The following ARPC1A variants were observed in gnomAD, a reference collection of about 807,000 sequenced individuals.
The protein encoded by ARPC1A is actin-related protein 2/3 complex subunit 1A.
Under a neutral mutation model 46.9 loss-of-function variants are expected in ARPC1A, and 8 were observed. That is an observed-to-expected ratio of 0.17 (90% confidence interval 0.10 to 0.31). ARPC1A has a LOEUF of 0.31. ARPC1A is among the 10% of genes least tolerant of loss of function. The pLI is 1.00. For missense variants in ARPC1A, 286 were observed against 483.6 expected (o/e 0.59, Z 3.83); for synonymous variants, 152 against 169.0 (o/e 0.90, Z 0.78).
At position 99,344,920 on chromosome 7, in the gene ARPC1A, CTTTTTTTTTTTTTTTTTT is replaced by C. The variant is rs1172071932; in HGVS notation, c.392+417_392+434del. 5.5e-4 allele frequency among the ~76,000 whole-genome samples: 11 copies of C among 20,100 alleles called. 1 individual carries two copies. In the Admixed American group the frequency reaches 5.9e-3, roughly 11 times the overall value. The allele number at this position is 20,100 out of a possible 152,430, so 13.2% of individuals were successfully genotyped here. A position where few individuals can be genotyped will look rare whatever the true frequency, so the allele number is the denominator to read the frequency against. On this transcript the variant is annotated intron_variant, in intron 4 of 9. Coordinates refer to ENST00000262942, the MANE Select transcript of ARPC1A (RefSeq NM_006409.4). ...TAGGATTCCTACAGATAACAATGTTCTTTTTTTTTTTTTTTTTTTTTTTTTTTTTGAGACAGAGTCTTA... is the reference window on the plus strand; with the variant it reads ...TAGGATTCCTACAGATAACAATGTTCTTTTTTTTTTTGAGACAGAGTCTTA...
chr7:99,354,041 C>T lies in ARPC1A; in HGVS notation c.633C>T (p.Ser211=), dbSNP rs1793591687. ...SGTGGWVHGV[S]FSASGSRLAW... ...CTGGTGGCTGGGTCCACGGGGTAAGCTTCTCTGCCAGTGGGAGCCGCCTGG... is the reference window on the plus strand; with the variant it reads ...CTGGTGGCTGGGTCCACGGGGTAAGTTTCTCTGCCAGTGGGAGCCGCCTGG... Residue 211 remains serine, a synonymous_variant, in exon 6 of 10, where the codon AGC becomes AGT. Coordinates refer to ENST00000262942, the MANE Select transcript of ARPC1A (RefSeq NM_006409.4). 4.3e-6 allele frequency: 7 copies of T among 1,614,032 alleles called. No individual in the cohort carries two copies. The highest frequency in any genetic ancestry group is 5.9e-6 in the Non-Finnish European group (7 of 1,179,942).
At chr7:99,364,653 CATTT>C (rs2150877035) in intron 9 of ARPC1A, among the ~76,000 whole-genome samples, 1 of 152,234 alleles carries the variant, frequency 6.6e-6, no homozygotes, top group South Asian at 2.1e-4. Context: ...TCTAGATGTC[CATTT>C]ATTCATTGAG....
chr7:99,347,829 CAA>C (rs755158875), intron 4 of ARPC1A, among the ~76,000 whole-genome samples: 41 of 90,472 alleles, frequency 4.5e-4, no homozygotes, highest in Admixed American at 3.6e-4. Context: ...AACTCCATCT[CAA>C]AAAAAAAAAA....
intron 7 of ARPC1A, among the ~76,000 whole-genome samples, chr7:99,359,206 C>T (rs1220389544): frequency 1.4e-5 from 2 of 145,810 alleles, no homozygotes; most frequent in Non-Finnish European, 3.0e-5. Flanking sequence ...GAGGCCAAGG[C>T]GGGTGGTTCA....
At chr7:99,351,934 T>G (rs535031127) in intron 5 of ARPC1A, among the ~76,000 whole-genome samples, 49 of 152,158 alleles carry the variant, frequency 3.2e-4, no homozygotes, top group African/African-American at 1.0e-3. Context: ...AAGAGTGAGT[T>G]AGTGGAAACG....
chr7:99,365,301 T>G (rs1169292013), intron 9 of ARPC1A, among the ~76,000 whole-genome samples: 1 of 151,488 alleles, frequency 6.6e-6, no homozygotes, highest in African/African-American at 2.4e-5. Flanking sequence ...AAAAGCCAGG[T>G]GCAGCCAGGC....
chr7:99,363,675 CTTTT>C (rs756919545), intron 9 of ARPC1A, 42 bp downstream of exon 9: 62 of 1,101,270 alleles, frequency 5.6e-5, no homozygotes, highest in African/African-American at 8.4e-5. Context: ...TGTGTTAAAA[CTTTT>C]TTTTTTTTTT....
At chr7:99,339,841 A>G in intron 3 of ARPC1A, 1 of 354,804 alleles carries the variant, frequency 2.8e-6, no homozygotes, top group Non-Finnish European at 6.0e-6. Flanking sequence ...TAGATGGTAG[A>G]TGTGTTAATA....
At chr7:99,343,529 G>A (rs989088885) in intron 3 of ARPC1A, among the ~76,000 whole-genome samples, 9 of 152,040 alleles carry the variant, frequency 5.9e-5, no homozygotes, top group Admixed American at 2.6e-4. Context: ...ATGAGTCATG[G>A]TGAATTTTGC....
chr7:99,365,771 C>T, intron 9 of ARPC1A, 120 bp from the exon 10 acceptor site: 1 of 1,063,128 alleles, frequency 9.4e-7, no homozygotes, highest in Non-Finnish European at 1.4e-6. Flanking sequence ...TCAGGTGGGG[C>T]AGGGCCAGGT....
At chr7:99,327,277 G>A (rs374006333) in intron 1 of ARPC1A, among the ~76,000 whole-genome samples, 1 of 150,642 alleles carries the variant, frequency 6.6e-6, no homozygotes, top group Non-Finnish European at 1.5e-5. Flanking sequence ...GACTACAGGC[G>A]TGTGCCACCA....
intron 3 of ARPC1A, among the ~76,000 whole-genome samples, chr7:99,343,119 A>T (rs80093920): frequency 0.024 from 3,624 of 152,160 alleles, 56 homozygotes; most frequent in South Asian, 0.041. Flanking sequence ...TCTGTAATAA[A>T]TATTTATTAG....
In ARPC1A at chr7:99,359,703, C is replaced by T. The variant is rs751880782; in HGVS notation, c.948C>T (p.Asn316=). ...MDKRATTEDR[N]TALETLHQNS... is the part of the protein sequence containing the mutation. Reference sequence around the variant, plus strand: ...AGAGAGCCACAACTGAGGACCGCAACACGGCCTTGGAGACGCTGCACCAGA... The same window carrying T: ...AGAGAGCCACAACTGAGGACCGCAATACGGCCTTGGAGACGCTGCACCAGA... The change falls in exon 8 of 10, where the codon AAC becomes AAT. Residue 316 remains asparagine, a synonymous_variant. Coordinates refer to ENST00000262942, the MANE Select transcript of ARPC1A (RefSeq NM_006409.4). 1.9e-6 allele frequency: 3 copies of T among 1,614,174 alleles called. No homozygotes were observed. The highest frequency in any genetic ancestry group is 1.1e-5 in the South Asian group (1 of 91,086).
chr7:99,334,010 C>G (rs1317174369), intron 2 of ARPC1A, among the ~76,000 whole-genome samples: 1 of 140,808 alleles, frequency 7.1e-6, no homozygotes, highest in African/African-American at 2.9e-5. Context: ...TGTGTACACA[C>G]ACACACACAC....
intron 5 of ARPC1A, among the ~76,000 whole-genome samples, chr7:99,353,423 G>T (rs919470782): frequency 6.6e-6 from 1 of 151,844 alleles, no homozygotes; most frequent in Non-Finnish European, 1.5e-5. Flanking sequence ...CTCCCAAAGT[G>T]CTGGGATTAC....
At chr7:99,335,400 T>C in intron 2 of ARPC1A, 1 of 447,146 alleles carries the variant, frequency 2.2e-6, no homozygotes, top group South Asian at 1.6e-5. Context: ...TGAGAGTTTA[T>C]TTCTGGACTC....
intron 6 of ARPC1A, among the ~76,000 whole-genome samples, chr7:99,355,927 T>G (rs1489526524): frequency 6.6e-6 from 1 of 152,220 alleles, no homozygotes; most frequent in African/African-American, 2.4e-5. Context: ...TTCTCTGCTG[T>G]GGCTGGAAGG....
At chr7:99,334,677 GTTTA>G (rs1301861373) in intron 2 of ARPC1A, among the ~76,000 whole-genome samples, 4 of 151,820 alleles carry the variant, frequency 2.6e-5, no homozygotes, top group South Asian at 2.1e-4. Context: ...TTTTTTCTGT[GTTTA>G]TTTATTTATT....
chr7:99,341,066 T>C (rs1793349670), intron 3 of ARPC1A, among the ~76,000 whole-genome samples: 3 of 152,134 alleles, frequency 2.0e-5, no homozygotes, highest in Admixed American at 1.3e-4. Flanking sequence ...CCCAACACTT[T>C]AGGAGGCTGA....
Sources: gnomAD v4.1 joint callset for allele counts (sites outside exome capture counted in the v4.1 genomes callset) on GRCh38, gnomAD v4.1.1 for gene constraint, MANE v1.5 for transcripts, NCBI Gene and HGNC (gene_info 2026-07-23, HGNC 2026-07-21) for gene names.